The following SYT7 variants were observed in gnomAD, a reference collection of about 807,000 sequenced individuals.
SYT7 encodes the protein synaptotagmin 7, also known as synaptotagmin-7.
SYT7 carries 29 observed loss-of-function variants against 75.1 expected under a neutral mutation model. That is an observed-to-expected ratio of 0.39 (90% CI 0.29 to 0.53). SYT7 has a LOEUF of 0.53. SYT7 is among the 20% of genes least tolerant of loss of function. SYT7 has a pLI of 0.77. For missense variants in SYT7, 693 were observed against 953.2 expected, an observed-to-expected ratio of 0.73 and a Z score of 3.59; for synonymous variants, 376 against 401.7, an observed-to-expected ratio of 0.94 and a Z score of 0.76.
chr11:61,542,333 C>T lies in SYT7; in HGVS notation c.819G>A (p.Arg273=), dbSNP rs918696187. 2.6e-6 allele frequency: 4 copies of T among 1,531,244 alleles called. No homozygotes were observed. The highest frequency in any genetic ancestry group is 1.2e-5 in the South Asian group (1 of 83,738). The allele number at this position is 1,531,244 out of a possible 1,614,324, so 94.9% of individuals were successfully genotyped here. A position where few individuals can be genotyped will look rare whatever the true frequency, so the allele number is the denominator to read the frequency against. Residue 273 remains arginine, a synonymous_variant, in exon 6 of 13, where the codon CGG becomes CGA. Coordinates refer to ENST00000539008, the MANE Select transcript of SYT7 (RefSeq NM_001365809.2). The surrounding 1 kb of genome is among the most constrained non-coding windows in gnomAD (Gnocchi z 7.8). ...NPRAYGRGQA[R]QGTSAGSKYR... ...ACTTGGAGCCGGCCGAGGTGCCCTGCCGAGCCTGGCCCCGGCCATAGGCCC... is the reference window on the plus strand; with the variant it reads ...ACTTGGAGCCGGCCGAGGTGCCCTGTCGAGCCTGGCCCCGGCCATAGGCCC...
chr11:61,532,196 T>C (rs1565173862), intron 8 of SYT7, among the ~76,000 whole-genome samples: 2 of 152,186 alleles, frequency 1.3e-5, no homozygotes, highest in African/African-American at 2.4e-5. Flanking sequence ...TCAAGTCCAG[T>C]AGGAACAGAG....
Position 61,547,299 on chromosome 11 carries a change from G to C in SYT7, c.225C>G (p.Asp75Glu). ...TCTCATTGTTATTCCAAAAGTCTCT[G>C]TCTAGATCACTGGAGGGGCAGAGAG... ...RSEKKAINDL[D>E]RDFWNNNEST... Residue 75 changes from aspartate to glutamate, a missense_variant, in exon 4 of 13, where the codon GAC (aspartate) becomes GAG (glutamate). By Grantham distance (45) the Asp-to-Glu change is conservative. Coordinates refer to ENST00000539008, the MANE Select transcript of SYT7 (RefSeq NM_001365809.2). 6.5e-7 allele frequency: 1 copy of C among 1,535,746 alleles called. No individual in the cohort carries two copies. The highest frequency in any genetic ancestry group is 8.7e-7 in the Non-Finnish European group (1 of 1,146,660).
intron 7 of SYT7, among the ~76,000 whole-genome samples, chr11:61,536,308 T>C (rs1431265020): frequency 6.6e-6 from 1 of 152,058 alleles, no homozygotes; most frequent in Non-Finnish European, 1.5e-5. Context: ...GAGGTAAAAA[T>C]AGACTGTGGG....
chr11:61,536,082 G>A (rs746750517), intron 7 of SYT7, among the ~76,000 whole-genome samples: 7 of 152,210 alleles, frequency 4.6e-5, no homozygotes, highest in South Asian at 4.2e-4. Context: ...CCCACCACCC[G>A]AGAAGCACCC....
At chr11:61,531,705 C>A (rs906796972) in intron 8 of SYT7, among the ~76,000 whole-genome samples, 3 of 151,792 alleles carry the variant, frequency 2.0e-5, no homozygotes, top group Non-Finnish European at 1.5e-5. Flanking sequence ...ACTGGCCTGG[C>A]CAACATGGTG....
chr11:61,534,787 G>T (rs2062818921), intron 7 of SYT7, among the ~76,000 whole-genome samples: 2 of 151,810 alleles, frequency 1.3e-5, no homozygotes, highest in Non-Finnish European at 2.9e-5. Context: ...CGACACGCGG[G>T]CGCCCCTCCC....
intron 6 of SYT7, chr11:61,540,446 T>A: frequency 1.1e-6 from 1 of 890,478 alleles, no homozygotes; most frequent in Non-Finnish European, 1.3e-6. Flanking sequence ...GAATATGTGA[T>A]GATCACATGC....
intron 8 of SYT7, among the ~76,000 whole-genome samples, chr11:61,530,295 C>T (rs2062665560): frequency 2.0e-5 from 3 of 152,220 alleles, no homozygotes; most frequent in Non-Finnish European, 2.9e-5. Flanking sequence ...AGCTGCCTTA[C>T]AGCAGAAGAT....
chr11:61,547,262 G>T lies in SYT7; in HGVS notation c.262C>A (p.Gln88Lys). 1 of 1,535,818 alleles carries T rather than the reference G, an allele frequency of 6.5e-7. No individual in the cohort carries two copies. Among genetic ancestry groups the T allele is most frequent in the Non-Finnish European group, 8.7e-7 (1 of 1,146,672 alleles). ...TTGGGAGGGTAGGAGCTCCATTTCT[G>T]CTGCACTGTGCTCTCATTGTTATTC... ...FWNNNESTVQ[Q>K]KWSSYPPKEF... The change falls in exon 4 of 13, where the codon CAG (glutamine) becomes AAG (lysine). Residue 88 changes from glutamine to lysine, a missense_variant. Gln to Lys is a moderately conservative substitution (Grantham distance 53). Around this residue, in one of 2 missense-constraint regions of SYT7, gnomAD observed 487 missense variants for 593.2 expected, o/e 0.82. Transcript: ENST00000539008.
intron 1 of SYT7, among the ~76,000 whole-genome samples, chr11:61,558,483 T>C (rs188344472): frequency 2.1e-3 from 292 of 139,434 alleles, no homozygotes; most frequent in African/African-American, 7.0e-3. Context: ...AAAATATATA[T>C]ATACACACAC....
Position 61,546,799 on chromosome 11 carries a change from C to A in SYT7, c.347+378G>T. On this transcript the variant is annotated intron_variant, in intron 4 of 12. Transcript: ENST00000539008. This position sits in a 1 kb window ranked among gnomAD's most constrained non-coding sequence, Gnocchi z 7.6. Reference sequence around the variant, plus strand: ...ACCACCGACCACCGAGCAGCCACGGCAGCACACAGCGGGGAGGAAGAAGCG... The same window carrying A: ...ACCACCGACCACCGAGCAGCCACGGAAGCACACAGCGGGGAGGAAGAAGCG... 2.6e-6 allele frequency: 1 copy of A among 377,598 alleles called. No individual in the cohort carries two copies. The allele number at this position is 377,598 out of a possible 1,614,324, so 23.4% of individuals were successfully genotyped here.
chr11:61,555,434 C>T lies in SYT7; in HGVS notation c.135+670G>A, dbSNP rs962863504. 5.9e-5 allele frequency among the ~76,000 whole-genome samples: 9 copies of T among 152,284 alleles called. No individual in the cohort carries two copies. The South Asian group carries it at 1.9e-3, about 32-fold the overall frequency. ...GTGGGCTGCGGGCTGGGCGGGGCGG[C>T]GCGATGCGGGGCGGGCGGCTCAGCC... On this transcript the variant is annotated intron_variant, in intron 2 of 12. Transcript: ENST00000539008.
At chr11:61,555,629 G>A (rs868511096) in intron 2 of SYT7, among the ~76,000 whole-genome samples, 17 of 152,230 alleles carry the variant, frequency 1.1e-4, no homozygotes, top group Admixed American at 7.9e-4. Context: ...GGGGTGGGGC[G>A]GGCGGCGCCT....
intron 6 of SYT7, among the ~76,000 whole-genome samples, chr11:61,538,840 G>A (rs2062959693): frequency 6.6e-6 from 1 of 152,228 alleles, no homozygotes; most frequent in South Asian, 2.1e-4. Context: ...GCTGCACCCT[G>A]TCCTTATGGA....
At chr11:61,520,032 C>G (rs1286417697) in intron 12 of SYT7, among the ~76,000 whole-genome samples, 1 of 106,454 alleles carries the variant, frequency 9.4e-6, no homozygotes, top group Non-Finnish European at 1.7e-5. Context: ...GTTGGGCAAA[C>G]TGGTCTCACA....
chr11:61,577,399 G>A (rs1045281944), intron 1 of SYT7, among the ~76,000 whole-genome samples: 2 of 152,214 alleles, frequency 1.3e-5, no homozygotes, highest in Admixed American at 1.3e-4. Context: ...TGGGAGGAGA[G>A]AGGTTGTTGG....
chr11:61,535,391 C>G (rs1590861126), intron 7 of SYT7, among the ~76,000 whole-genome samples: 1 of 152,232 alleles, frequency 6.6e-6, no homozygotes, highest in Admixed American at 6.5e-5. Context: ...CCCTGTCCCC[C>G]ACTTGGGGTG....
chr11:61,586,778 G>A, the SYT7 span, among the ~76,000 whole-genome samples: 1 of 152,132 alleles, frequency 6.6e-6, no homozygotes, highest in Non-Finnish European at 1.5e-5. Flanking sequence ...ACTTTTGGGT[G>A]TGGGGGAAGA....
rs746212734 is a variant in SYT7 at position 61,546,063 on chromosome 11, G to A, written c.540C>T (p.Ser180=). The change falls in exon 5 of 13, where the codon AGC becomes AGT. Residue 180 remains serine (S), a synonymous_variant. Transcript: ENST00000539008. This position sits in a 1 kb window ranked among gnomAD's most constrained non-coding sequence, Gnocchi z 7.6. Reference sequence around the variant, plus strand: ...AGTTGAGCTTCCCTGCGGCCAGGTGGCTCTGCACCGTCCGCCAGCGGCCTC... The same window carrying A: ...AGTTGAGCTTCCCTGCGGCCAGGTGACTCTGCACCGTCCGCCAGCGGCCTC... The part of the protein sequence containing the change: ...AGRGRWRTVQ[S]HLAAGKLNLS... 2.6e-6 allele frequency: 4 copies of A among 1,533,208 alleles called. No homozygotes were observed. The highest frequency in any genetic ancestry group is 3.5e-6 in the Non-Finnish European group (4 of 1,145,622). 95.0% of individuals were successfully genotyped at this position (1,533,208 alleles called of 1,614,324 possible).
Sources: allele counts gnomAD v4.1 joint callset (sites outside exome capture counted in the v4.1 genomes callset), GRCh38; gene constraint gnomAD v4.1.1; regional missense constraint gnomAD v4.1.1; non-coding constraint Gnocchi (gnomAD v3.1); transcripts MANE v1.5; gene names NCBI Gene and HGNC (gene_info 2026-07-23, HGNC 2026-07-21).